Variants in BANK1 observed in about 807,000 individuals in gnomAD.
The protein encoded by BANK1 is B-cell scaffold protein with ankyrin repeats.
BANK1 carries 95 observed loss-of-function variants against 94.5 expected under a neutral mutation model. That is an observed-to-expected ratio of 1.00 (90% CI 0.85 to 1.19). The LOEUF is 1.19. Ranked by LOEUF, BANK1 falls within the 50% of genes most tolerant of loss-of-function variation. The pLI, the probability that BANK1 is intolerant of heterozygous loss-of-function variation, is 0.00. For synonymous variants in BANK1, 334 were observed against 308.4 expected, an observed-to-expected ratio of 1.08 and a Z score of -0.87; for missense variants, 987 against 932.2, an observed-to-expected ratio of 1.06 and a Z score of -0.77.
At chr4:102,046,586 G>T (rs538007130) in intron 11 of BANK1, among the ~76,000 whole-genome samples, 16 of 152,244 alleles carry the variant, frequency 1.1e-4, no homozygotes, top group African/African-American at 3.8e-4. Flanking sequence ...GGGCTAGCAT[G>T]AGTTTTCTAT....
rs141602151 is a variant in BANK1, at chr4:102,040,258, T to A, written c.1901-3581T>A. On this transcript the variant is annotated intron_variant, in intron 10 of 16. Coordinates refer to ENST00000322953, the MANE Select transcript of BANK1 (RefSeq NM_017935.5). ...TTAACATTTTGAATATTTAATGATA[T>A]GCTAATTTTCCATTCAATGTCATAT... Among the ~76,000 whole-genome samples the A allele has an allele frequency of 7.1e-3, 1,076 of 152,266 alleles. 8 individuals carry two copies. The highest frequency in any genetic ancestry group is 0.054 in the Middle Eastern group (16 of 294).
At chr4:101,931,216 A>T (rs188717248) in intron 7 of BANK1, among the ~76,000 whole-genome samples, 1 of 151,650 alleles carries the variant, frequency 6.6e-6, no homozygotes, top group Non-Finnish European at 1.5e-5. Flanking sequence ...ATTTGGTCAA[A>T]CATTATTCTG....
chr4:101,800,300 A>G (rs1439014487), intron 1 of BANK1, among the ~76,000 whole-genome samples: 1 of 151,712 alleles, frequency 6.6e-6, no homozygotes, highest in African/African-American at 2.4e-5. Flanking sequence ...AAAAGAAAAG[A>G]AAAAGAATTT....
intron 5 of BANK1, among the ~76,000 whole-genome samples, chr4:101,891,555 A>G (rs1325210460): frequency 6.6e-6 from 1 of 151,972 alleles, no homozygotes; most frequent in African/African-American, 2.4e-5. Context: ...TCTAGGAATT[A>G]TTTCCTTGTG....
rs572447891 is a variant in BANK1 at position 101,829,315 on chromosome 4, C to T, written c.71-493C>T. ...TTAATGTGTATATTATTCTCTTCTA[C>T]GTCAGGCTTTTGGATCATCCTTATA... On this transcript the variant is annotated intron_variant, in intron 1 of 16. Coordinates refer to ENST00000322953, the MANE Select transcript of BANK1 (RefSeq NM_017935.5). Among the ~76,000 whole-genome samples the T allele has an allele frequency of 4.9e-4, 74 of 152,058 alleles. 1 individual carries two copies. In the Middle Eastern group the frequency reaches 0.014, roughly 28 times the overall value.
At chr4:102,058,602 C>A (rs1181203953) in intron 11 of BANK1, among the ~76,000 whole-genome samples, 1 of 151,154 alleles carries the variant, frequency 6.6e-6, no homozygotes, top group Non-Finnish European at 1.5e-5. Context: ...ACTTGTATAC[C>A]CTTAGAATAA....
chr4:101,936,809 A>C (rs1384366068), intron 7 of BANK1, among the ~76,000 whole-genome samples: 1 of 151,654 alleles, frequency 6.6e-6, no homozygotes, highest in Non-Finnish European at 1.5e-5. Flanking sequence ...AGGCAATAAC[A>C]AATACTGGTA....
At chr4:101,947,261 G>A (rs1723959598) in intron 7 of BANK1, among the ~76,000 whole-genome samples, 2 of 126,048 alleles carry the variant, frequency 1.6e-5, no homozygotes, top group African/African-American at 5.8e-5. Context: ...AAGTGAGAGA[G>A]GGTTGTGTTT....
chr4:101,790,802 C>T lies in BANK1; in HGVS notation c.-79C>T. ...CGAGGGCCAAAGGAAGAGAAAATCG[C>T]GGGGAGTCTCTGGCCGGGAGAGTCC... is the stretch of plus-strand genomic sequence containing the variant. On this transcript the variant is annotated 5_prime_UTR_variant, in exon 1 of 17. Transcript: ENST00000322953. 7.1e-7 allele frequency: 1 copy of T among 1,407,670 alleles called. No homozygotes were observed. Among genetic ancestry groups the T allele is most frequent in the Non-Finnish European group, 9.7e-7 (1 of 1,031,018 alleles). The allele number at this position is 1,407,670 out of a possible 1,614,324, so 87.2% of individuals were successfully genotyped here.
chr4:101,933,438 A>C (rs1723425399), intron 7 of BANK1, among the ~76,000 whole-genome samples: 1 of 151,516 alleles, frequency 6.6e-6, no homozygotes, highest in African/African-American at 2.4e-5. Flanking sequence ...TGCCACTGGC[A>C]CCTTCTGCCC....
At chr4:101,852,499 TATATACAC>T (rs1201036204) in intron 2 of BANK1, among the ~76,000 whole-genome samples, 3,547 of 113,186 alleles carry the variant, frequency 0.031, 65 homozygotes, top group African/African-American at 0.056. Flanking sequence ...TATATATATA[TATATACAC>T]ACACACATAT....
chr4:101,837,643 A>G (rs1028917465), intron 2 of BANK1, among the ~76,000 whole-genome samples: 1 of 152,114 alleles, frequency 6.6e-6, no homozygotes, highest in Non-Finnish European at 1.5e-5. Context: ...TTATCTTTTT[A>G]AATTCTATTT....
intron 7 of BANK1, among the ~76,000 whole-genome samples, chr4:101,989,380 G>A (rs886219253): frequency 2.9e-5 from 4 of 136,850 alleles, no homozygotes; most frequent in Admixed American, 8.0e-5. Flanking sequence ...GCAGTGAGCC[G>A]AGATCATGCC....
intron 7 of BANK1, among the ~76,000 whole-genome samples, chr4:101,983,945 A>G (rs1725403981): frequency 6.6e-6 from 1 of 152,076 alleles, no homozygotes; most frequent in African/African-American, 2.4e-5. Context: ...CCTGAAGTGC[A>G]CAAGAAAAAA....
intron 6 of BANK1, among the ~76,000 whole-genome samples, chr4:101,912,745 A>G (rs1480136203): frequency 6.6e-6 from 1 of 151,626 alleles, no homozygotes; most frequent in Non-Finnish European, 1.5e-5. Context: ...TTTTGTCCCT[A>G]TAATACATAT....
At chr4:102,009,261 G>A (rs1726404941) in intron 7 of BANK1, among the ~76,000 whole-genome samples, 1 of 152,172 alleles carries the variant, frequency 6.6e-6, no homozygotes, top group Admixed American at 6.5e-5. Flanking sequence ...TACAACTGGG[G>A]TTTCCCCGTG....
chr4:101,986,996 GAA>G (rs34108717), intron 7 of BANK1, among the ~76,000 whole-genome samples: 47 of 131,194 alleles, frequency 3.6e-4, no homozygotes, highest in African/African-American at 1.0e-3. Flanking sequence ...AAGAACAAAA[GAA>G]AAAAAAAAAG....
At chr4:101,800,564 G>A (rs1418584057) in intron 1 of BANK1, among the ~76,000 whole-genome samples, 1 of 151,858 alleles carries the variant, frequency 6.6e-6, no homozygotes, top group Non-Finnish European at 1.5e-5. Context: ...TCCTGTTTTT[G>A]CATTTGCTTA....
At chr4:101,890,402 A>G (rs1248066786) in intron 5 of BANK1, among the ~76,000 whole-genome samples, 3 of 151,738 alleles carry the variant, frequency 2.0e-5, no homozygotes, top group African/African-American at 7.3e-5. Context: ...TGACTCTATC[A>G]TTATATAAGG....
Sources: allele counts gnomAD v4.1 joint callset (sites outside exome capture counted in the v4.1 genomes callset), GRCh38; gene constraint gnomAD v4.1.1; transcripts MANE v1.5; gene names NCBI Gene and HGNC (gene_info 2026-07-23, HGNC 2026-07-21).